The following ZNF827 variants were observed in gnomAD, a reference collection of about 807,000 sequenced individuals.
ZNF827 encodes the protein zinc finger protein 827.
Under a neutral mutation model 102.4 loss-of-function variants are expected in ZNF827, and 13 were observed. The observed-to-expected ratio is 0.13, with a 90% CI of 0.08 to 0.20. The LOEUF is 0.20. ZNF827 is among the 10% of genes least tolerant of loss of function. The pLI, the probability that ZNF827 is intolerant of heterozygous loss-of-function variation, is 1.00. For missense variants in ZNF827, 1,103 were observed against 1,344.4 expected, an observed-to-expected ratio of 0.82 and a Z score of 2.81; for synonymous variants, 523 against 536.2, an observed-to-expected ratio of 0.98 and a Z score of 0.34.
At position 145,926,804 on chromosome 4, in the gene ZNF827, G is replaced by C. The variant is rs531589104; in HGVS notation, c.43+11561C>G. Among the ~76,000 whole-genome samples, 4 of 151,880 alleles carry C rather than the reference G, an allele frequency of 2.6e-5. No individual in the cohort carries two copies. In the South Asian group the frequency reaches 8.3e-4, roughly 32 times the overall value. ...TGGAGTACGCCCAAGTCATGTTTAAGCTTCTCATACTTTTTCTCTTCTTCT... is the reference window on the plus strand; with the variant it reads ...TGGAGTACGCCCAAGTCATGTTTAACCTTCTCATACTTTTTCTCTTCTTCT... On this transcript the variant is annotated intron_variant, in intron 1 of 14. Coordinates refer to ENST00000508784, the MANE Select transcript of ZNF827 (RefSeq NM_001306215.2).
chr4:145,808,992 G>A (rs1579251615), intron 8 of ZNF827, among the ~76,000 whole-genome samples: 1 of 151,922 alleles, frequency 6.6e-6, no homozygotes, highest in East Asian at 1.9e-4. Context: ...GCAGAGGCGG[G>A]GTCTTGCTAC....
chr4:145,828,049 C>A (rs938696157), intron 7 of ZNF827, among the ~76,000 whole-genome samples: 1 of 152,142 alleles, frequency 6.6e-6, no homozygotes, highest in Non-Finnish European at 1.5e-5. Context: ...CAGCGGGCAG[C>A]GGAGAGGCAA....
intron 5 of ZNF827, among the ~76,000 whole-genome samples, chr4:145,862,499 T>C (rs577889807): frequency 3.9e-5 from 6 of 152,344 alleles, no homozygotes; most frequent in Non-Finnish European, 8.8e-5. Context: ...CTTATTTATA[T>C]TTCATTGTCC....
chr4:145,808,334 T>A (rs1185375458), intron 8 of ZNF827, among the ~76,000 whole-genome samples: 1 of 152,148 alleles, frequency 6.6e-6, no homozygotes, highest in African/African-American at 2.4e-5. Flanking sequence ...TTTCCTGGCC[T>A]CTTTCCCATT....
chr4:145,800,456 C>A (rs776760339), intron 8 of ZNF827, among the ~76,000 whole-genome samples: 5 of 151,890 alleles, frequency 3.3e-5, no homozygotes, highest in Admixed American at 2.6e-4. Context: ...CTGGATCAAG[C>A]AAGCCTCCCA....
At chr4:145,896,417 A>G (rs1395049582) in intron 2 of ZNF827, among the ~76,000 whole-genome samples, 1 of 152,190 alleles carries the variant, frequency 6.6e-6, no homozygotes. Flanking sequence ...AAAAAGAGAC[A>G]TGGAAAAGAT....
At chr4:145,858,169 G>A (rs1747353228) in intron 5 of ZNF827, among the ~76,000 whole-genome samples, 1 of 142,208 alleles carries the variant, frequency 7.0e-6, no homozygotes, top group Non-Finnish European at 1.5e-5. Context: ...GTGTGTGTGT[G>A]TGTGCACATG....
At chr4:145,861,494 G>A (rs933867887) in intron 5 of ZNF827, among the ~76,000 whole-genome samples, 2 of 152,122 alleles carry the variant, frequency 1.3e-5, no homozygotes, top group East Asian at 1.9e-4. Flanking sequence ...TCTCAGAGTC[G>A]TCATCATCAA....
At chr4:145,931,391 TTAAC>T (rs1005817915) in intron 1 of ZNF827, among the ~76,000 whole-genome samples, 2 of 152,210 alleles carry the variant, frequency 1.3e-5, no homozygotes, top group African/African-American at 4.8e-5. Flanking sequence ...TAAGAGTACA[TTAAC>T]TAAGCCAATA....
In ZNF827 at chr4:145,886,147, G is replaced by A. The variant is rs1249200803; in HGVS notation, c.1278C>T (p.His426=). The change falls in exon 4 of 15, where the codon CAC becomes CAT. Residue 426 remains histidine (H), a synonymous_variant. Transcript: ENST00000508784. The stretch of plus-strand genomic sequence containing the variant: ...ACTGAAAGGTCTCTCCCCGATCCTG[G>A]TGCTGATGAACCTGACGGAGAAGCA... The part of the protein sequence containing the change: ...NLKSHMKVHQ[H]QDRGETFQCQ... 1.3e-6 allele frequency: 2 copies of A among 1,596,406 alleles called. No homozygotes were observed. Among genetic ancestry groups the A allele is most frequent in the Non-Finnish European group, 1.7e-6 (2 of 1,172,262 alleles).
At chr4:145,787,488 A>G (rs1009071426) in intron 8 of ZNF827, among the ~76,000 whole-genome samples, 3 of 151,806 alleles carry the variant, frequency 2.0e-5, no homozygotes, top group Admixed American at 2.0e-4. Context: ...AAAAAAAGAA[A>G]TAGTTTTTGT....
chr4:145,780,396 G>A (rs1389243774), intron 8 of ZNF827, among the ~76,000 whole-genome samples: 2 of 152,164 alleles, frequency 1.3e-5, no homozygotes, highest in Admixed American at 6.5e-5. Flanking sequence ...CACACGCTGT[G>A]CCACAGAAAA....
At chr4:145,855,837 C>T (rs1056370281) in intron 5 of ZNF827, among the ~76,000 whole-genome samples, 13 of 152,152 alleles carry the variant, frequency 8.5e-5, no homozygotes, top group African/African-American at 3.1e-4. Flanking sequence ...AGCTAGGTAC[C>T]CAGTGCAATG....
At chr4:145,889,784 G>A (rs185920208) in intron 3 of ZNF827, among the ~76,000 whole-genome samples, 7 of 152,180 alleles carry the variant, frequency 4.6e-5, no homozygotes, top group East Asian at 1.9e-4. Flanking sequence ...CAAGACCAGC[G>A]TGGCTAACAT....
At chr4:145,771,469 A>C (rs1736271628) in intron 11 of ZNF827, among the ~76,000 whole-genome samples, 1 of 152,256 alleles carries the variant, frequency 6.6e-6, no homozygotes, top group Non-Finnish European at 1.5e-5. Context: ...CCAAATAGCC[A>C]TTCAGATTCC....
At chr4:145,856,337 T>C (rs1306686721) in intron 5 of ZNF827, among the ~76,000 whole-genome samples, 2 of 152,206 alleles carry the variant, frequency 1.3e-5, no homozygotes, top group Non-Finnish European at 2.9e-5. Context: ...GCTTATTATA[T>C]GCTTCTTCTC....
At chr4:145,797,560 A>G (rs1242484120) in intron 8 of ZNF827, among the ~76,000 whole-genome samples, 1 of 152,186 alleles carries the variant, frequency 6.6e-6, no homozygotes, top group Non-Finnish European at 1.5e-5. Context: ...GAGCTTGTTC[A>G]CCAAGAGAGG....
chr4:145,903,479 G>A (rs922789948), intron 1 of ZNF827, among the ~76,000 whole-genome samples: 2 of 152,172 alleles, frequency 1.3e-5, no homozygotes, highest in East Asian at 3.8e-4. Context: ...AAATGGATCT[G>A]GTAAAGAGGT....
intron 5 of ZNF827, among the ~76,000 whole-genome samples, chr4:145,868,954 A>C (rs1748445338): frequency 6.6e-6 from 1 of 152,240 alleles, no homozygotes; most frequent in Non-Finnish European, 1.5e-5. Context: ...CATAGGAAGG[A>C]GAGTTCAAAT....
Sources: allele counts gnomAD v4.1 joint callset (sites outside exome capture counted in the v4.1 genomes callset), GRCh38; gene constraint gnomAD v4.1.1; transcripts MANE v1.5; gene names NCBI Gene and HGNC (gene_info 2026-07-23, HGNC 2026-07-21).